Variants in MCCC1 observed in about 807,000 individuals in gnomAD.
MCCC1 encodes the protein methylcrotonyl-CoA carboxylase subunit 1, also known as methylcrotonoyl-CoA carboxylase subunit alpha, mitochondrial.
In MCCC1, 64 loss-of-function variants were observed where a neutral mutation model predicts 83.8. The observed-to-expected ratio is 0.76, with a 90% CI of 0.62 to 0.94. MCCC1 has a LOEUF of 0.94. MCCC1 is among the 40% of genes least tolerant of loss of function. The pLI, the probability that MCCC1 is intolerant of heterozygous loss-of-function variation, is 0.00. For synonymous variants in MCCC1, 322 were observed against 315.4 expected (o/e 1.02, Z -0.22); for missense variants, 807 against 904.7 (o/e 0.89, Z 1.39).
At chr3:183,077,776 T>G (rs931469306) in intron 4 of MCCC1, among the ~76,000 whole-genome samples, 1 of 152,182 alleles carries the variant, frequency 6.6e-6, no homozygotes, top group East Asian at 1.9e-4. Context: ...AAGTTAATTT[T>G]TTTTGTTTAA....
intron 3 of MCCC1, chr3:183,090,886 C>A: frequency 2.3e-6 from 1 of 426,116 alleles, no homozygotes. Context: ...CTGCGCCCAG[C>A]CGGGAAAATT....
chr3:183,108,297 T>C (rs1450109761), intron 1 of MCCC1, among the ~76,000 whole-genome samples: 2 of 152,156 alleles, frequency 1.3e-5, no homozygotes, highest in African/African-American at 2.4e-5. Flanking sequence ...TAGATTTAGG[T>C]TATTAGATTT....
chr3:183,067,419 A>G (rs528497268), intron 7 of MCCC1, among the ~76,000 whole-genome samples: 2 of 152,394 alleles, frequency 1.3e-5, no homozygotes, highest in South Asian at 4.1e-4. Context: ...GCAAATAATT[A>G]TTCTTGCTGC....
rs925635582 is a variant in MCCC1, at chr3:183,048,960, T to C, written c.955+3199A>G. 2.3e-4 allele frequency among the ~76,000 whole-genome samples: 35 copies of C among 152,348 alleles called. 1 individual carries two copies. Among genetic ancestry groups the C allele is most frequent in the African/African-American group, 8.4e-4 (35 of 41,594 alleles). ...TAACAGAAGGATATCTGGAAAATCC[T>C]AAGATATTTGGATGTTAAACAACAC... On this transcript the variant is annotated intron_variant, in intron 9 of 18. Coordinates refer to ENST00000265594, the MANE Select transcript of MCCC1 (RefSeq NM_020166.5).
chr3:183,037,410 C>T lies in MCCC1; in HGVS notation c.1402G>A (p.Asp468Asn), dbSNP rs2108470864. 1 of 1,614,110 alleles carries T rather than the reference C, an allele frequency of 6.2e-7. No homozygotes were observed. Among genetic ancestry groups the T allele is most frequent in the Non-Finnish European group, 8.5e-7 (1 of 1,180,020 alleles). Residue 468 changes from aspartate to asparagine, a missense_variant, in exon 13 of 19, where the codon GAC becomes AAC. Coordinates refer to ENST00000265594, the MANE Select transcript of MCCC1 (RefSeq NM_020166.5). ...TGGCCAGACAGGTTGAGTAAGAAGT[C>T]AATGTTGGTGTGCAGTCCAACAATC... Reference protein sequence around the residue: ...YNIVGLHTNIDFLLNLSGHPE... With the variant: ...YNIVGLHTNINFLLNLSGHPE...
chr3:183,113,414 G>A (rs1233948929), intron 1 of MCCC1, among the ~76,000 whole-genome samples: 5 of 132,922 alleles, frequency 3.8e-5, no homozygotes, highest in Admixed American at 2.4e-4. Flanking sequence ...GGGGACTGTT[G>A]TGGGGTGGGG....
intron 9 of MCCC1, among the ~76,000 whole-genome samples, chr3:183,050,705 C>CAAAA (rs746973567): frequency 9.1e-4 from 39 of 42,790 alleles, no homozygotes; most frequent in Non-Finnish European, 1.5e-3. Flanking sequence ...GACTCTGTCT[C>CAAAA]AAAAAAAAAA....
chr3:183,028,083 C>T (rs1487908718), intron 14 of MCCC1, among the ~76,000 whole-genome samples: 1 of 152,186 alleles, frequency 6.6e-6, no homozygotes, highest in African/African-American at 2.4e-5. Flanking sequence ...GGCTGACTCT[C>T]TTTCTAGGGG....
At chr3:183,039,323 G>C (rs574622468) in intron 11 of MCCC1, among the ~76,000 whole-genome samples, 188 bp from the exon 12 acceptor site, 2 of 152,108 alleles carry the variant, frequency 1.3e-5, no homozygotes, top group Non-Finnish European at 2.9e-5. Flanking sequence ...CAGGTGTAAC[G>C]AGGTGGGCCA....
At chr3:183,045,671 A>C in intron 9 of MCCC1, 131 bp from the exon 10 acceptor site, 2 of 960,402 alleles carry the variant, frequency 2.1e-6, no homozygotes, top group Non-Finnish European at 1.6e-6. Context: ...TTCATGAAGA[A>C]AACATCTCGC....
intron 8 of MCCC1, among the ~76,000 whole-genome samples, chr3:183,055,685 C>T (rs939256912): frequency 1.3e-5 from 2 of 151,984 alleles, no homozygotes; most frequent in Non-Finnish European, 2.9e-5. Flanking sequence ...CACTTGAAGC[C>T]AGAAGTTTGA....
At chr3:183,068,929 G>A (rs1032459937) in intron 7 of MCCC1, among the ~76,000 whole-genome samples, 1 of 152,136 alleles carries the variant, frequency 6.6e-6, no homozygotes, top group Non-Finnish European at 1.5e-5. Flanking sequence ...GTTTGTGTAA[G>A]GACACTCTAT....
chr3:183,088,435 G>A (rs2108557251), intron 3 of MCCC1, among the ~76,000 whole-genome samples: 1 of 152,224 alleles, frequency 6.6e-6, no homozygotes, highest in African/African-American at 2.4e-5. Flanking sequence ...TCAAACTCCT[G>A]ACCTCAGGTG....
chr3:183,095,288 A>C (rs574793760), intron 1 of MCCC1, among the ~76,000 whole-genome samples: 138 of 152,272 alleles, frequency 9.1e-4, no homozygotes, highest in Non-Finnish European at 1.1e-3. Flanking sequence ...GTCTCAAAAA[A>C]AAAAACAAAA....
At chr3:183,037,570 T>C (rs1022536922) in intron 12 of MCCC1, 136 bp from the exon 13 acceptor site, 5 of 772,504 alleles carry the variant, frequency 6.5e-6, no homozygotes, top group African/African-American at 5.2e-5. Context: ...TAAGGTACCA[T>C]GTGGCAACAG....
intron 1 of MCCC1, chr3:183,098,941 G>GCT: frequency 1.1e-5 from 3 of 285,340 alleles, no homozygotes; most frequent in African/African-American, 2.2e-5. Context: ...TTTCTTACTA[G>GCT]CTGTGTTTCG....
chr3:183,035,746 T>G (rs143474347), intron 13 of MCCC1, among the ~76,000 whole-genome samples: 1 of 152,118 alleles, frequency 6.6e-6, no homozygotes, highest in Admixed American at 6.5e-5. Flanking sequence ...TTTTAAAAAT[T>G]CTGTTTGCTC....
chr3:183,073,464 T>A (rs905980573), intron 4 of MCCC1, among the ~76,000 whole-genome samples: 1 of 152,226 alleles, frequency 6.6e-6, no homozygotes, highest in Non-Finnish European at 1.5e-5. Context: ...ATGAAAGTCA[T>A]GTATTAAAGT....
intron 5 of MCCC1, 54 bp from the exon 6 acceptor site, chr3:183,071,411 C>G (rs1716679930): frequency 6.2e-7 from 1 of 1,611,898 alleles, no homozygotes; most frequent in Non-Finnish European, 8.5e-7. Flanking sequence ...TTATTTCATT[C>G]AAGACAAACA....
Sources: allele counts gnomAD v4.1 joint callset (sites outside exome capture counted in the v4.1 genomes callset), GRCh38; gene constraint gnomAD v4.1.1; transcripts MANE v1.5; gene names NCBI Gene and HGNC (gene_info 2026-07-23, HGNC 2026-07-21).